MYO3B: variants seen among roughly 807,000 people sequenced by gnomAD.
The protein encoded by MYO3B is myosin IIIB.
In MYO3B, 156 loss-of-function variants were observed where a neutral mutation model predicts 174.6. The ratio of observed to expected loss-of-function variants is 0.89; its 90% CI spans 0.78 to 1.02. MYO3B has a LOEUF of 1.02. MYO3B is among the 50% of genes least tolerant of loss of function. MYO3B has a pLI of 0.00. For missense variants in MYO3B, 1,632 were observed against 1,639.4 expected (o/e 1.00, Z 0.08); for synonymous variants, 563 against 569.1 (o/e 0.99, Z 0.15).
In MYO3B at chr2:170,210,794, C is replaced by T. The variant is rs145020741; in HGVS notation, c.322-3585C>T. On this transcript the variant is annotated intron_variant, in intron 3 of 34. Coordinates refer to ENST00000408978, the MANE Select transcript of MYO3B (RefSeq NM_138995.5). ...TTAAAGTCACATGAACTAAAACGTACCACAGCTTTAATCTTCCCTTTAAAA... is the reference window on the plus strand; with the variant it reads ...TTAAAGTCACATGAACTAAAACGTATCACAGCTTTAATCTTCCCTTTAAAA... 2.1e-3 allele frequency among the ~76,000 whole-genome samples: 321 copies of T among 152,266 alleles called. 3 individuals carry two copies. Among genetic ancestry groups the T allele is most frequent in the African/African-American group, 7.3e-3 (303 of 41,542 alleles).
chr2:170,274,221 G>A (rs977188468), intron 7 of MYO3B, among the ~76,000 whole-genome samples: 2 of 152,082 alleles, frequency 1.3e-5, no homozygotes, highest in African/African-American at 2.4e-5. Flanking sequence ...GACGTTAGAC[G>A]TAGGTGAGAC....
intron 10 of MYO3B, 22 bp downstream of exon 10, chr2:170,382,134 A>G (rs1457868559): frequency 4.4e-6 from 7 of 1,578,186 alleles, no homozygotes; most frequent in Non-Finnish European, 6.1e-6. Context: ...TTAGTAGACA[A>G]TTCTCATTGA....
chr2:170,582,542 C>G (rs1693221492), intron 32 of MYO3B, among the ~76,000 whole-genome samples: 1 of 152,206 alleles, frequency 6.6e-6, no homozygotes, highest in African/African-American at 2.4e-5. Context: ...AGGTGCTCAG[C>G]AAGGCCTTGT....
At chr2:170,482,228 T>C (rs1291159576) in intron 25 of MYO3B, among the ~76,000 whole-genome samples, 1 of 151,890 alleles carries the variant, frequency 6.6e-6, no homozygotes, top group Non-Finnish European at 1.5e-5. Flanking sequence ...CAATCTCTGC[T>C]CACTGCAACC....
At chr2:170,440,526 G>A (rs894626013) in intron 22 of MYO3B, among the ~76,000 whole-genome samples, 35 of 152,078 alleles carry the variant, frequency 2.3e-4, no homozygotes, top group African/African-American at 6.8e-4. Context: ...ATTATATTTT[G>A]ATGCTATTTT....
At chr2:170,481,623 A>C (rs1404321912) in intron 25 of MYO3B, among the ~76,000 whole-genome samples, 1 of 152,196 alleles carries the variant, frequency 6.6e-6, no homozygotes, top group Non-Finnish European at 1.5e-5. Context: ...TTCCATGAAA[A>C]TTAACTTACA....
intron 22 of MYO3B, among the ~76,000 whole-genome samples, chr2:170,420,466 G>A (rs2105853551): frequency 6.6e-6 from 1 of 152,248 alleles, no homozygotes; most frequent in East Asian, 1.9e-4. Context: ...AGCTTTTGCA[G>A]ACCTGATCCT....
At chr2:170,511,368 A>C (rs1167124106) in intron 28 of MYO3B, among the ~76,000 whole-genome samples, 2 of 152,136 alleles carry the variant, frequency 1.3e-5, no homozygotes, top group Non-Finnish European at 2.9e-5. Flanking sequence ...GCCCAGCCTT[A>C]GAGCATTTTC....
At chr2:170,646,570 A>AT (rs534370951) in intron 32 of MYO3B, among the ~76,000 whole-genome samples, 1,757 of 151,788 alleles carry the variant, frequency 0.012, 10 homozygotes, top group Non-Finnish European at 0.016. Context: ...AATTTTTTGT[A>AT]TTTTTTGTAG....
In MYO3B at chr2:170,466,528, C is replaced by G. The variant is rs748497394; in HGVS notation, c.2831C>G (p.Ser944Cys). The G allele has an allele frequency of 3.7e-5, 60 of 1,614,032 alleles. No individual in the cohort carries two copies. The highest frequency in any genetic ancestry group is 1.6e-4 in the Middle Eastern group (1 of 6,084). The change falls in exon 25 of 35, where the codon TCC (serine) becomes TGC (cysteine). Residue 944 changes from serine (S) to cysteine (C), a missense_variant. Physicochemically the swap from Ser to Cys is moderately radical, Grantham distance 112. Transcript: ENST00000408978. ...TAGTATTCTCTGATGGACCTGCTCT[C>G]CAAAATGGTGGTTGGACAGCCCCAC... Reference protein sequence around the residue: ...YFRYSLMDLLSKMVVGQPHFV... With the variant: ...YFRYSLMDLLCKMVVGQPHFV...
chr2:170,500,643 A>G (rs1687201819), intron 27 of MYO3B, among the ~76,000 whole-genome samples: 1 of 152,170 alleles, frequency 6.6e-6, no homozygotes, highest in Non-Finnish European at 1.5e-5. Flanking sequence ...TTACAACATG[A>G]GTGACAGGAT....
chr2:170,586,402 T>C (rs1693501097), intron 32 of MYO3B, among the ~76,000 whole-genome samples: 1 of 152,236 alleles, frequency 6.6e-6, no homozygotes, highest in African/African-American at 2.4e-5. Context: ...TATGTGTTTT[T>C]ACTTGGAGAA....
At chr2:170,506,358 C>T (rs1687621773) in intron 28 of MYO3B, among the ~76,000 whole-genome samples, 1 of 152,230 alleles carries the variant, frequency 6.6e-6, no homozygotes, top group Non-Finnish European at 1.5e-5. Context: ...GTTTAAAAGG[C>T]TGTTTCCTTT....
chr2:170,607,400 G>T (rs1166932104), intron 32 of MYO3B, among the ~76,000 whole-genome samples: 1 of 152,204 alleles, frequency 6.6e-6, no homozygotes, highest in African/African-American at 2.4e-5. Flanking sequence ...CTTCACTCCA[G>T]ACCCCAGGCT....
intron 8 of MYO3B, chr2:170,342,205 G>A (rs2093981305): frequency 6.6e-6 from 1 of 152,172 alleles, no homozygotes; most frequent in South Asian, 2.1e-4. Context: ...GTTAGTGCTT[G>A]TGGCGCATTA....
intron 11 of MYO3B, 83 bp downstream of exon 11, chr2:170,383,272 A>C: frequency 1.2e-6 from 1 of 864,178 alleles, no homozygotes; most frequent in South Asian, 1.5e-5. Flanking sequence ...AAAAAGTAAG[A>C]ATAAAATTAT....
At chr2:170,395,685 G>A (rs2094438998) in intron 16 of MYO3B, among the ~76,000 whole-genome samples, 1 of 152,190 alleles carries the variant, frequency 6.6e-6, no homozygotes, top group African/African-American at 2.4e-5. Flanking sequence ...AACAGAGCCT[G>A]TGGGGAGGTC....
At chr2:170,355,607 A>G (rs2094114225) in intron 8 of MYO3B, among the ~76,000 whole-genome samples, 1 of 152,176 alleles carries the variant, frequency 6.6e-6, no homozygotes, top group Admixed American at 6.5e-5. Flanking sequence ...CTCCAGTCTT[A>G]TTCCTGCCCT....
intron 32 of MYO3B, among the ~76,000 whole-genome samples, chr2:170,643,441 A>G (rs558371343): frequency 1.3e-5 from 2 of 152,278 alleles, no homozygotes; most frequent in East Asian, 3.9e-4. Context: ...TGTCACCTGC[A>G]AATGCCCTGA....
Sources: gnomAD v4.1 joint callset for allele counts (sites outside exome capture counted in the v4.1 genomes callset) on GRCh38, gnomAD v4.1.1 for gene constraint, MANE v1.5 for transcripts, NCBI Gene and HGNC (gene_info 2026-07-23, HGNC 2026-07-21) for gene names.